WWOX: variants seen among roughly 807,000 people sequenced by gnomAD.
WWOX encodes the protein WW domain-containing oxidoreductase.
A neutral mutation model predicts 46.2 loss-of-function variants in WWOX; 69 were observed. The ratio of observed to expected loss-of-function variants is 1.49; its 90% CI spans 1.23 to 1.82. The LOEUF (loss-of-function observed/expected upper bound fraction) is 1.82. Among genes scored for constraint, WWOX ranks in the 40% most tolerant of loss-of-function variants. The pLI is 0.00. For missense variants in WWOX, 919 were observed against 542.6 expected (o/e 1.69, Z -6.89); for synonymous variants, 359 against 202.6 (o/e 1.77, Z -6.56).
chr16:79,100,334 T>G (rs1225018730), intron 8 of WWOX, among the ~76,000 whole-genome samples: 1 of 152,202 alleles, frequency 6.6e-6, no homozygotes, highest in Non-Finnish European at 1.5e-5. Context: ...AACATAAGAT[T>G]ATTTTTAAAA....
chr16:79,180,763 A>G lies in WWOX; in HGVS notation c.1057-30845A>G, dbSNP rs767696928. 1.7e-4 allele frequency among the ~76,000 whole-genome samples: 26 copies of G among 151,728 alleles called. 1 individual carries two copies. The highest frequency in any genetic ancestry group is 4.8e-5 in the African/African-American group (2 of 41,264). On this transcript the variant is annotated intron_variant, in intron 8 of 8. Coordinates refer to ENST00000566780, the MANE Select transcript of WWOX (RefSeq NM_016373.4). ...TGTATATCTATTCATCTATCCATCC[A>G]TCCATCCATTCATCAATCCATTTAT... is the stretch of plus-strand genomic sequence containing the variant.
At chr16:78,967,370 G>C (rs1219828886) in intron 8 of WWOX, among the ~76,000 whole-genome samples, 1 of 129,698 alleles carries the variant, frequency 7.7e-6, no homozygotes, top group Non-Finnish European at 1.6e-5. Context: ...GCTCACTGCA[G>C]CCTCCCGGGC....
chr16:78,761,708 C>T (rs945460628), intron 8 of WWOX, among the ~76,000 whole-genome samples: 19 of 152,158 alleles, frequency 1.2e-4, no homozygotes, highest in African/African-American at 4.6e-4. Context: ...TGAAGCTCTC[C>T]TTTGTGGCAC....
intron 8 of WWOX, among the ~76,000 whole-genome samples, chr16:78,760,561 G>T (rs897313797): frequency 6.6e-6 from 1 of 152,184 alleles, no homozygotes; most frequent in African/African-American, 2.4e-5. Context: ...AGTCAGGAGA[G>T]GATGCCCACA....
At chr16:78,887,699 G>A (rs932513071) in intron 8 of WWOX, among the ~76,000 whole-genome samples, 3 of 152,178 alleles carry the variant, frequency 2.0e-5, no homozygotes, top group African/African-American at 7.2e-5. Flanking sequence ...GTCTTTTAAA[G>A]ATAGTGGTTT....
intron 8 of WWOX, among the ~76,000 whole-genome samples, chr16:79,073,279 A>G (rs1483793176): frequency 3.3e-5 from 5 of 151,788 alleles, no homozygotes; most frequent in Non-Finnish European, 5.9e-5. Context: ...TCTTGGGTTC[A>G]AGTGGTTCTT....
At chr16:78,455,683 C>T (rs929836756) in intron 8 of WWOX, among the ~76,000 whole-genome samples, 1 of 121,230 alleles carries the variant, frequency 8.2e-6, no homozygotes, top group African/African-American at 3.0e-5. Context: ...AAAATTGATG[C>T]AAAAAATATG....
intron 8 of WWOX, among the ~76,000 whole-genome samples, chr16:78,937,657 C>G (rs780114694): frequency 1.3e-4 from 20 of 151,314 alleles, no homozygotes; most frequent in Non-Finnish European, 2.5e-4. Flanking sequence ...CAAGGTCTCA[C>G]TCTGTCTCCC....
At chr16:78,702,042 T>TATATATATATATATATATATATATAA (rs1229780052) in intron 8 of WWOX, among the ~76,000 whole-genome samples, 1 of 120,966 alleles carries the variant, frequency 8.3e-6, no homozygotes, top group African/African-American at 3.8e-5. Context: ...TATATATATA[T>TATATATATATATATATATATATATAA]ATAAAATAAT....
At chr16:79,077,156 C>T (rs555542954) in intron 8 of WWOX, among the ~76,000 whole-genome samples, 3 of 152,166 alleles carry the variant, frequency 2.0e-5, no homozygotes, top group East Asian at 1.9e-4. Context: ...TAGAATTAAT[C>T]GGAGCTCTAA....
At position 78,447,311 on chromosome 16, in the gene WWOX, T is replaced by A. The variant is rs147772693; in HGVS notation, c.1056+14559T>A. ...TTTAATACTGTAATAAATTTTTTCT[T>A]ATGCATTTGCTATAAATTAGTAAAT... On this transcript the variant is annotated intron_variant, in intron 8 of 8. Coordinates refer to ENST00000566780, the MANE Select transcript of WWOX (RefSeq NM_016373.4). 3.4e-4 allele frequency among the ~76,000 whole-genome samples: 52 copies of A among 152,336 alleles called. 1 individual carries two copies. The highest frequency in any genetic ancestry group is 1.3e-3 in the African/African-American group (52 of 41,588).
rs1243807369 is a variant in WWOX, at chr16:78,811,488, C to T, written c.1056+378736C>T. ...TCTCCTCTCCTGTCCTTTCTCTCTC[C>T]CTCCCTCTTTCTTTTCTTTCTTTTT... On this transcript the variant is annotated intron_variant, in intron 8 of 8. Transcript: ENST00000566780. Among the ~76,000 whole-genome samples, 4 of 151,266 alleles carry T rather than the reference C, an allele frequency of 2.6e-5. No individual in the cohort carries two copies. The South Asian group carries it at 8.4e-4, about 32-fold the overall frequency.
chr16:78,153,583 G>A (rs907036496), intron 4 of WWOX, among the ~76,000 whole-genome samples: 1 of 152,048 alleles, frequency 6.6e-6, no homozygotes, highest in Non-Finnish European at 1.5e-5. Flanking sequence ...CCTAAAGATC[G>A]TTTTAGTGCT....
chr16:79,099,171 G>T (rs1457075594), intron 8 of WWOX, among the ~76,000 whole-genome samples: 1 of 152,134 alleles, frequency 6.6e-6, no homozygotes, highest in Non-Finnish European at 1.5e-5. Flanking sequence ...ACTACCATGA[G>T]GATGGCATGA....
chr16:78,235,124 T>A (rs2037393021), intron 5 of WWOX, among the ~76,000 whole-genome samples: 1 of 152,122 alleles, frequency 6.6e-6, no homozygotes. Context: ...TCATAAATAA[T>A]TAAGAATTTA....
At chr16:78,877,945 G>T (rs1039835858) in intron 8 of WWOX, among the ~76,000 whole-genome samples, 3 of 152,186 alleles carry the variant, frequency 2.0e-5, no homozygotes, top group African/African-American at 7.2e-5. Context: ...AACCAGGTCT[G>T]TTCAATTGCA....
intron 5 of WWOX, among the ~76,000 whole-genome samples, chr16:78,202,758 T>C (rs1236891732): frequency 6.6e-6 from 1 of 151,666 alleles, no homozygotes; most frequent in African/African-American, 2.4e-5. Flanking sequence ...CTTTAAAAAA[T>C]AGCTCAACCT....
At chr16:79,027,210 G>C (rs567755261) in intron 8 of WWOX, among the ~76,000 whole-genome samples, 2 of 149,216 alleles carry the variant, frequency 1.3e-5, no homozygotes, top group Non-Finnish European at 3.0e-5. Context: ...AGCTGGGGAG[G>C]TTGAGGCTGC....
chr16:78,705,998 A>G (rs2048320149), intron 8 of WWOX, among the ~76,000 whole-genome samples: 1 of 146,502 alleles, frequency 6.8e-6, no homozygotes, highest in Non-Finnish European at 1.5e-5. Flanking sequence ...ATAGGTGTGT[A>G]TTCTCAAGAA....
Sources: gnomAD v4.1 joint callset for allele counts (sites outside exome capture counted in the v4.1 genomes callset) on GRCh38, gnomAD v4.1.1 for gene constraint, MANE v1.5 for transcripts, NCBI Gene and HGNC (gene_info 2026-07-23, HGNC 2026-07-21) for gene names.